The following RIF1 variants were observed in gnomAD, a reference collection of about 807,000 sequenced individuals.
The protein encoded by RIF1 is replication timing regulatory factor 1.
A neutral mutation model predicts 247.1 loss-of-function variants in RIF1; 45 were observed. The observed-to-expected ratio is 0.18, with a 90% CI of 0.14 to 0.23. The LOEUF (loss-of-function observed/expected upper bound fraction) is 0.23, where lower values mean the gene tolerates loss of function less well. RIF1 is among the 10% of genes least tolerant of loss of function. The pLI, the probability that RIF1 is intolerant of heterozygous loss-of-function variation, is 1.00. For missense variants in RIF1, 2,967 were observed against 2,862.5 expected, an observed-to-expected ratio of 1.04 and a Z score of -0.83; for synonymous variants, 1,087 against 978.8, an observed-to-expected ratio of 1.11 and a Z score of -2.06.
In RIF1 at chr2:151,420,170, C is replaced by T. The variant is rs1432102540; in HGVS notation, c.504-20C>T. On this transcript the variant is annotated intron_variant, in intron 6 of 35. Transcript: ENST00000444746. ...AAAACATGAGGTCACGCTAATTATT[C>T]ATTGATTTCTCTATTATAGGCTAAT... 1.3e-6 allele frequency: 2 copies of T among 1,594,438 alleles called. No individual in the cohort carries two copies. Among genetic ancestry groups the T allele is most frequent in the African/African-American group, 1.3e-5 (1 of 74,328 alleles).
chr2:151,427,684 G>A (rs1331594865), intron 8 of RIF1, among the ~76,000 whole-genome samples: 1 of 152,032 alleles, frequency 6.6e-6, no homozygotes, highest in Admixed American at 6.6e-5. Context: ...ACTTTGGGAG[G>A]CTGAGGCGGG....
chr2:151,427,454 G>T (rs1248496058), intron 8 of RIF1, among the ~76,000 whole-genome samples: 1 of 149,672 alleles, frequency 6.7e-6, no homozygotes, highest in Non-Finnish European at 1.5e-5. Flanking sequence ...TAGGTGATTC[G>T]CCTGCCTTGG....
the RIF1 span, chr2:151,527,140 TGAG>T: frequency 1.2e-5 from 8 of 684,596 alleles, no homozygotes; most frequent in East Asian, 1.6e-4. Flanking sequence ...GCTACCAGAA[TGAG>T]GAGAAGAGCT....
At chr2:151,526,311 A>T in the RIF1 span, 1 of 1,256,188 alleles carries the variant, frequency 8.0e-7, no homozygotes, top group East Asian at 2.5e-5. Context: ...TGGATATCCT[A>T]CATATTTTTA....
intron 21 of RIF1, among the ~76,000 whole-genome samples, chr2:151,452,581 A>G (rs1486051449): frequency 1.3e-5 from 2 of 152,248 alleles, no homozygotes; most frequent in Admixed American, 6.5e-5. Context: ...ATTATAGGTC[A>G]GAGCATCCCG....
intron 13 of RIF1, among the ~76,000 whole-genome samples, chr2:151,506,623 A>T (rs2069147678): frequency 6.6e-6 from 1 of 152,242 alleles, no homozygotes; most frequent in African/African-American, 2.4e-5. Flanking sequence ...AGAAATCACA[A>T]TGTCAAAAAG....
chr2:151,417,051 A>T (rs1205675008), intron 6 of RIF1, 150 bp downstream of exon 6: 1 of 616,852 alleles, frequency 1.6e-6, no homozygotes, highest in Non-Finnish European at 2.8e-6. Flanking sequence ...TAATAGAAAA[A>T]AGATGGAAGT....
chr2:151,529,563 C>T, the RIF1 span, among the ~76,000 whole-genome samples: 63 of 150,192 alleles, frequency 4.2e-4, no homozygotes, highest in African/African-American at 1.5e-3. Flanking sequence ...CAGATTCTCT[C>T]TCTGTCACCC....
At chr2:151,487,128 A>G (rs1483986063), downstream of RIF1, among the ~76,000 whole-genome samples, 1 of 152,168 alleles carries the variant, frequency 6.6e-6, no homozygotes, top group African/African-American at 2.4e-5. Flanking sequence ...GCCTTTTTCT[A>G]CCTTTCGAAG....
chr2:151,435,659 A>G, intron 11 of RIF1, 79 bp downstream of exon 11: 1 of 741,466 alleles, frequency 1.3e-6, no homozygotes, highest in South Asian at 1.9e-5. Context: ...AAGTAGGAAA[A>G]AAAAAGGCTT....
intron 10 of RIF1, among the ~76,000 whole-genome samples, chr2:151,434,510 G>A (rs570323749): frequency 3.6e-5 from 5 of 139,276 alleles, no homozygotes; most frequent in South Asian, 2.2e-4. Flanking sequence ...GCACGATCTC[G>A]GCTCACTGCA....
chr2:151,491,723 T>C, intron 9 of RIF1: 1 of 1,598,752 alleles, frequency 6.3e-7, no homozygotes, highest in Non-Finnish European at 8.5e-7. Context: ...TGTTGTCTTC[T>C]GCTGGATCAT....
At chr2:151,433,594 G>A (rs1690577115) in intron 10 of RIF1, among the ~76,000 whole-genome samples, 1 of 151,942 alleles carries the variant, frequency 6.6e-6, no homozygotes, top group Non-Finnish European at 1.5e-5. Context: ...AGCTGGGACT[G>A]CAGGCGCACG....
Position 151,445,322 on chromosome 2 carries a change from AT to A in RIF1, c.1987-11del. 1 of 1,381,864 alleles carries A rather than the reference AT, an allele frequency of 7.2e-7. No individual in the cohort carries two copies. 85.6% of individuals were successfully genotyped at this position (1,381,864 alleles called of 1,614,324 possible). Reference sequence around the variant, plus strand: ...AGATGGTAATTTGTCTAACTTCATTATTTTTCTTGTTTTAGACCAATGAAGT... The same window carrying A: ...AGATGGTAATTTGTCTAACTTCATTATTTTCTTGTTTTAGACCAATGAAGT... On this transcript the variant is annotated splice_polypyrimidine_tract_variant and intron_variant, in intron 18 of 35. Transcript: ENST00000444746.
chr2:151,453,652 T>C (rs1694726028), intron 21 of RIF1, among the ~76,000 whole-genome samples: 1 of 152,124 alleles, frequency 6.6e-6, no homozygotes, highest in African/African-American at 2.4e-5. Context: ...CCATATTGCT[T>C]TAAGATTAGA....
rs72860281 is a variant in RIF1, at chr2:151,463,429, G to C, written c.3909G>C (p.Lys1303Asn). Reference sequence around the variant, plus strand: ...AACAAACAGGGAATAAAAGGTCTAAGCCCTTAATGAGATCTGAGCCGGAGA... The same window carrying C: ...AACAAACAGGGAATAAAAGGTCTAACCCCTTAATGAGATCTGAGCCGGAGA... Reference protein sequence around the residue: ...KAEQTGNKRSKPLMRSEPEKN... With the variant: ...KAEQTGNKRSNPLMRSEPEKN... Residue 1303 changes from lysine to asparagine, a missense_variant, in exon 30 of 36, where the codon AAG becomes AAC. Physicochemically the swap from Lys to Asn is moderately conservative, Grantham distance 94. Around this residue, in one of 7 missense-constraint regions of RIF1, gnomAD observed 2,028 missense variants for 1,825.6 expected, o/e 1.11. Coordinates refer to ENST00000444746, the MANE Select transcript of RIF1 (RefSeq NM_018151.5). 2,299 of 1,614,000 alleles carry C rather than the reference G, an allele frequency of 1.4e-3. 2 individuals are homozygous for C. Among genetic ancestry groups the C allele is most frequent in the Non-Finnish European group, 1.8e-3 (2,143 of 1,179,936 alleles).
At chr2:151,435,438 A>G in intron 10 of RIF1, 25 bp from the exon 11 acceptor site, 1 of 1,280,802 alleles carries the variant, frequency 7.8e-7, no homozygotes, top group East Asian at 2.3e-5. Flanking sequence ...TAGTTTATAG[A>G]TCGATGTTTT....
intron 6 of RIF1, among the ~76,000 whole-genome samples, chr2:151,418,014 C>T (rs1240151348): frequency 2.6e-5 from 4 of 152,002 alleles, no homozygotes; most frequent in Admixed American, 2.6e-4. Context: ...AAAAATGGTA[C>T]ACCTGTATCT....
intron 10 of RIF1, chr2:151,498,240 C>T: frequency 6.4e-7 from 1 of 1,550,524 alleles, no homozygotes; most frequent in Non-Finnish European, 8.7e-7. Flanking sequence ...GGCATTTTTT[C>T]CCCTTTCTTT....
Sources: allele counts gnomAD v4.1 joint callset (sites outside exome capture counted in the v4.1 genomes callset), GRCh38; gene constraint gnomAD v4.1.1; regional missense constraint gnomAD v4.1.1; transcripts MANE v1.5; gene names NCBI Gene and HGNC (gene_info 2026-07-23, HGNC 2026-07-21).